SGTB: variants seen among roughly 807,000 people sequenced by gnomAD.
The protein encoded by SGTB is small glutamine-rich tetratricopeptide repeat-containing protein beta.
SGTB carries 19 observed loss-of-function variants against 43.9 expected under a neutral mutation model. The observed-to-expected ratio is 0.43, with a 90% CI of 0.30 to 0.63. The LOEUF is 0.63. Ranked by LOEUF, SGTB falls within the 30% of genes least tolerant of loss-of-function variation. The pLI, the probability that SGTB is intolerant of heterozygous loss-of-function variation, is 0.12. For synonymous variants in SGTB, 116 were observed against 117.3 expected, an observed-to-expected ratio of 0.99 and a Z score of 0.07; for missense variants, 304 against 358.9, an observed-to-expected ratio of 0.85 and a Z score of 1.24.
At chr5:65,674,721 T>C (rs1209046882) in intron 8 of SGTB, among the ~76,000 whole-genome samples, 1 of 152,142 alleles carries the variant, frequency 6.6e-6, no homozygotes, top group Non-Finnish European at 1.5e-5. Context: ...TTTTGGTACA[T>C]AGCAGCTTGG....
chr5:65,715,430 C>T (rs888599769), intron 2 of SGTB, among the ~76,000 whole-genome samples: 2 of 152,198 alleles, frequency 1.3e-5, no homozygotes, highest in Non-Finnish European at 2.9e-5. Flanking sequence ...ACCTGCCATT[C>T]GCTGATTCAG....
At chr5:65,674,370 ACT>A (rs1032445456) in intron 8 of SGTB, among the ~76,000 whole-genome samples, 7 of 151,830 alleles carry the variant, frequency 4.6e-5, no homozygotes, top group African/African-American at 7.3e-5. Context: ...ATTCAGACAC[ACT>A]CTCTCACAAT....
intron 3 of SGTB, among the ~76,000 whole-genome samples, chr5:65,710,730 C>T (rs563703776): frequency 3.9e-5 from 6 of 152,210 alleles, no homozygotes; most frequent in Non-Finnish European, 5.9e-5. Flanking sequence ...TGGTGGCTCA[C>T]GCCTGTAATC....
At chr5:65,713,570 G>T (rs765307461) in intron 2 of SGTB, among the ~76,000 whole-genome samples, 36 of 152,072 alleles carry the variant, frequency 2.4e-4, no homozygotes, top group South Asian at 4.2e-4. Flanking sequence ...CTCCTACCTC[G>T]GCCTCCCAAA....
chr5:65,679,380 TG>T (rs1757348422), intron 8 of SGTB, among the ~76,000 whole-genome samples: 1 of 152,154 alleles, frequency 6.6e-6, no homozygotes, highest in Non-Finnish European at 1.5e-5. Flanking sequence ...CCCAGCACTT[TG>T]GGAGGCTGAG....
rs3806828 is a variant in SGTB at position 65,720,883 on chromosome 5, G to C, written c.-22-54C>G. 794 of 1,550,858 alleles carry C rather than the reference G, an allele frequency of 5.1e-4. 7 individuals carry two copies. In the East Asian group the frequency reaches 0.014, roughly 28 times the overall value. ...TAAGTTATTTTAAAGAATCAGTCAG[G>C]AAAGTCATAAATTACAAAGATGATA... On this transcript the variant is annotated intron_variant, in intron 1 of 10. Transcript: ENST00000381007.
intron 5 of SGTB, among the ~76,000 whole-genome samples, chr5:65,694,446 G>A (rs182819474): frequency 1.4e-4 from 21 of 152,056 alleles, no homozygotes; most frequent in South Asian, 6.2e-4. Flanking sequence ...TAAGAAAGTC[G>A]TCCCAAAGAA....
rs116180171 is a variant in SGTB at position 65,719,820 on chromosome 5, G to A, written c.100+888C>T. 2.1e-3 allele frequency among the ~76,000 whole-genome samples: 326 copies of A among 152,258 alleles called. 3 individuals are homozygous for A. The highest frequency in any genetic ancestry group is 7.7e-3 in the African/African-American group (321 of 41,536). On this transcript the variant is annotated intron_variant, in intron 2 of 10. Coordinates refer to ENST00000381007, the MANE Select transcript of SGTB (RefSeq NM_019072.3). ...TACCGAATCCAATATTAAAGTTAAC[G>A]TAAAACACAGGTGAAATGCTCCCAT... is the stretch of plus-strand genomic sequence containing the variant.
chr5:65,701,375 A>C (rs1367965313), intron 5 of SGTB, among the ~76,000 whole-genome samples: 1 of 152,080 alleles, frequency 6.6e-6, no homozygotes, highest in African/African-American at 2.4e-5. Flanking sequence ...TGAGATGATA[A>C]AATTTAAATG....
intron 8 of SGTB, among the ~76,000 whole-genome samples, chr5:65,672,827 T>G (rs2150702213): frequency 6.6e-6 from 1 of 152,338 alleles, no homozygotes; most frequent in African/African-American, 2.4e-5. Flanking sequence ...TCTAAATCTT[T>G]GTAGACAATA....
Position 65,708,553 on chromosome 5 carries a change from G to A in SGTB, c.210C>T (p.Asp70=), listed in dbSNP as rs190155084. ...EMFTSSFCKN[D]VLPLSNSVPE... ...GCACTGAGTTTGAAAGGGGCAGAAC[G>A]TCATTCTGAAATTAAATAAAAATCA... Residue 70 remains aspartate (D), a synonymous_variant, in exon 4 of 11, where the codon GAC becomes GAT. Transcript: ENST00000381007. The A allele has an allele frequency of 6.5e-5, 104 of 1,610,838 alleles. No individual in the cohort carries two copies. The highest frequency in any genetic ancestry group is 3.2e-4 in the African/African-American group (24 of 74,860).
chr5:65,708,187 G>A (rs1253396621), intron 4 of SGTB, among the ~76,000 whole-genome samples: 2 of 152,188 alleles, frequency 1.3e-5, no homozygotes, highest in Non-Finnish European at 2.9e-5. Flanking sequence ...TTAAGTTAAA[G>A]AAGAATTTGA....
chr5:65,677,946 T>TC (rs1757315378), intron 8 of SGTB, among the ~76,000 whole-genome samples: 1 of 152,150 alleles, frequency 6.6e-6, no homozygotes, highest in African/African-American at 2.4e-5. Flanking sequence ...CAAAATACCC[T>TC]CTCTCATCAC....
intron 3 of SGTB, among the ~76,000 whole-genome samples, chr5:65,709,125 T>TA (rs1208531444): frequency 1.0e-4 from 15 of 150,598 alleles, no homozygotes; most frequent in African/African-American, 2.4e-4. Flanking sequence ...TCCTGCTTCA[T>TA]AAAAAAAAAT....
Position 65,704,342 on chromosome 5 carries a change from G to A in SGTB, c.311C>T (p.Ala104Val). 6.2e-7 allele frequency: 1 copy of A among 1,612,644 alleles called. No individual in the cohort carries two copies. ...NHMKEENYAA[A>V]VDCYTQAIEL... Reference sequence around the variant, plus strand: ...TATTGCCTGTGTGTAACAATCCACTGCAGCAGCATAATTTTCTTCTTTCAT... The same window carrying A: ...TATTGCCTGTGTGTAACAATCCACTACAGCAGCATAATTTTCTTCTTTCAT... The change falls in exon 5 of 11, where the codon GCA becomes GTA. Residue 104 changes from alanine to valine, a missense_variant. Ala to Val is a moderately conservative substitution (Grantham distance 64, BLOSUM62 0). Coordinates refer to ENST00000381007, the MANE Select transcript of SGTB (RefSeq NM_019072.3).
At chr5:65,676,597 G>T (rs1261512020) in intron 8 of SGTB, among the ~76,000 whole-genome samples, 1 of 152,078 alleles carries the variant, frequency 6.6e-6, no homozygotes, top group Non-Finnish European at 1.5e-5. Context: ...GATATCTACA[G>T]AACTCTCCAC....
chr5:65,715,124 C>T (rs1579888327), intron 2 of SGTB, among the ~76,000 whole-genome samples: 1 of 152,206 alleles, frequency 6.6e-6, no homozygotes, highest in Non-Finnish European at 1.5e-5. Context: ...AATTAAATAA[C>T]CTGGGTACAA....
At chr5:65,715,418 G>A (rs1243356128) in intron 2 of SGTB, among the ~76,000 whole-genome samples, 1 of 152,166 alleles carries the variant, frequency 6.6e-6, no homozygotes, top group African/African-American at 2.4e-5. Context: ...CACATGCTAT[G>A]TACCTGCCAT....
intron 5 of SGTB, among the ~76,000 whole-genome samples, chr5:65,687,158 G>A (rs1242067073): frequency 6.6e-6 from 1 of 152,162 alleles, no homozygotes; most frequent in Non-Finnish European, 1.5e-5. Context: ...AGAAGAAATA[G>A]GAGTTTAGTT....
Sources: allele counts gnomAD v4.1 joint callset (sites outside exome capture counted in the v4.1 genomes callset), GRCh38; gene constraint gnomAD v4.1.1; transcripts MANE v1.5; gene names NCBI Gene and HGNC (gene_info 2026-07-23, HGNC 2026-07-21).